The following ANKS1B variants were observed in gnomAD, a reference collection of about 807,000 sequenced individuals.
ANKS1B encodes ankyrin repeat and sterile alpha motif domain-containing protein 1B.
A neutral mutation model predicts 148.3 loss-of-function variants in ANKS1B; 36 were observed. That is an observed-to-expected ratio of 0.24 (90% confidence interval 0.19 to 0.32). The LOEUF (loss-of-function observed/expected upper bound fraction) is 0.32, where lower values mean the gene tolerates loss of function less well. Ranked by LOEUF, ANKS1B falls within the 10% of genes least tolerant of loss-of-function variation. The probability of loss-of-function intolerance (pLI) is 1.00; values close to 1 mark genes in which losing one functional copy is unlikely to be tolerated. For synonymous variants in ANKS1B, 542 were observed against 560.8 expected, an observed-to-expected ratio of 0.97 and a Z score of 0.47; for missense variants, 1,157 against 1,542.6, an observed-to-expected ratio of 0.75 and a Z score of 4.19.
intron 15 of ANKS1B, among the ~76,000 whole-genome samples, chr12:99,107,081 A>G (rs1236737471): frequency 1.3e-5 from 2 of 152,106 alleles, no homozygotes. Context: ...AGTAAACTCA[A>G]GATATAAAAA....
At chr12:99,941,724 T>G (rs1465703507) in intron 1 of ANKS1B, among the ~76,000 whole-genome samples, 2 of 152,120 alleles carry the variant, frequency 1.3e-5, no homozygotes, top group African/African-American at 4.8e-5. Context: ...AAGGAGCATT[T>G]AAGTTGAATT....
At chr12:99,983,430 C>T (rs2095737272) in intron 1 of ANKS1B, among the ~76,000 whole-genome samples, 1 of 152,138 alleles carries the variant, frequency 6.6e-6, no homozygotes. Flanking sequence ...AGGCCTCTAC[C>T]GTACTCCATA....
chr12:99,175,114 C>T (rs1395882005), intron 14 of ANKS1B, among the ~76,000 whole-genome samples: 1 of 152,130 alleles, frequency 6.6e-6, no homozygotes, highest in East Asian at 1.9e-4. Context: ...TAGTCACATG[C>T]ATTTTGTTTT....
chr12:99,305,257 C>T (rs190441413), intron 12 of ANKS1B, among the ~76,000 whole-genome samples: 64 of 152,170 alleles, frequency 4.2e-4, no homozygotes, highest in South Asian at 2.1e-4. Flanking sequence ...CATTGGGGAA[C>T]ACATTTCAAC....
chr12:99,417,832 G>T (rs879340290), intron 11 of ANKS1B, among the ~76,000 whole-genome samples: 2 of 151,998 alleles, frequency 1.3e-5, no homozygotes, highest in Non-Finnish European at 2.9e-5. Context: ...AAAGCAGCAA[G>T]AAGTAAGAAA....
chr12:98,808,640 A>C (rs1461837838), intron 19 of ANKS1B, among the ~76,000 whole-genome samples: 1 of 152,196 alleles, frequency 6.6e-6, no homozygotes, highest in Non-Finnish European at 1.5e-5. Context: ...CACACCATTA[A>C]TAAGATAAAC....
chr12:99,505,659 G>A (rs933043499), intron 9 of ANKS1B, among the ~76,000 whole-genome samples: 2 of 148,460 alleles, frequency 1.3e-5, no homozygotes, highest in Non-Finnish European at 3.0e-5. Context: ...TATATATAAT[G>A]TGCTAAATGC....
chr12:99,595,652 G>A (rs957359705), intron 9 of ANKS1B, among the ~76,000 whole-genome samples: 4 of 151,764 alleles, frequency 2.6e-5, no homozygotes, highest in Non-Finnish European at 4.4e-5. Flanking sequence ...TTATGATCTC[G>A]CACATTAACT....
chr12:99,271,692 A>ATATATATATATATATATATT, intron 12 of ANKS1B, among the ~76,000 whole-genome samples: 1 of 142,518 alleles, frequency 7.0e-6, no homozygotes, highest in Non-Finnish European at 1.5e-5. Context: ...ATATATATAT[A>ATATATATATATATATATATT]TTTACTAAAT....
intron 3 of ANKS1B, among the ~76,000 whole-genome samples, chr12:99,808,855 A>G (rs1280773592): frequency 6.6e-6 from 1 of 152,132 alleles, no homozygotes; most frequent in African/African-American, 2.4e-5. Context: ...CTAGGAAATT[A>G]CAAGAGCAAA....
intron 9 of ANKS1B, among the ~76,000 whole-genome samples, chr12:99,611,351 C>T (rs568351072): frequency 4.6e-5 from 7 of 152,208 alleles, no homozygotes; most frequent in Admixed American, 4.6e-4. Flanking sequence ...ACATGCCAGG[C>T]ATTTAACCTA....
At chr12:98,743,904 A>G (rs1232244367), downstream of ANKS1B, 4 of 752,930 alleles carry the variant, frequency 5.3e-6, no homozygotes, top group Non-Finnish European at 6.5e-6. Flanking sequence ...GATGCTGAGA[A>G]GGCTGGGCCT....
At chr12:99,094,000 CAGG>C (rs2055026915) in intron 15 of ANKS1B, among the ~76,000 whole-genome samples, 1 of 152,214 alleles carries the variant, frequency 6.6e-6, no homozygotes, top group Non-Finnish European at 1.5e-5. Flanking sequence ...CTGCCTTAGA[CAGG>C]AGGTCACTGA....
rs190079899 is a variant in ANKS1B, at chr12:99,108,873, T to C, written c.2527-23850A>G. ...ATTTCGGAAGTTGAGAGAGCAAAGATGAGAACTCGAGAGACATGGAATGGA... is the reference window on the plus strand; with the variant it reads ...ATTTCGGAAGTTGAGAGAGCAAAGACGAGAACTCGAGAGACATGGAATGGA... On this transcript the variant is annotated intron_variant, in intron 15 of 26. Coordinates refer to ENST00000683438, the MANE Select transcript of ANKS1B (RefSeq NM_001352186.2). Among the ~76,000 whole-genome samples the C allele has an allele frequency of 8.6e-5, 13 of 152,020 alleles. No individual in the cohort carries two copies. In the East Asian group the frequency reaches 2.3e-3, roughly 27 times the overall value.
chr12:99,169,773 T>C (rs2077557018), intron 14 of ANKS1B, among the ~76,000 whole-genome samples: 1 of 152,210 alleles, frequency 6.6e-6, no homozygotes, highest in Non-Finnish European at 1.5e-5. Flanking sequence ...TCTCCTTTTA[T>C]AGGGAATGAA....
At chr12:99,162,142 A>T (rs1488534883) in intron 14 of ANKS1B, among the ~76,000 whole-genome samples, 1 of 152,146 alleles carries the variant, frequency 6.6e-6, no homozygotes, top group Non-Finnish European at 1.5e-5. Flanking sequence ...ATAGAGACAG[A>T]ATGTAGATTA....
chr12:99,360,715 T>C (rs558833483), intron 12 of ANKS1B, among the ~76,000 whole-genome samples: 4 of 152,110 alleles, frequency 2.6e-5, no homozygotes, highest in Non-Finnish European at 5.9e-5. Flanking sequence ...ATGTGTGGAA[T>C]AGAACAACTG....
chr12:99,976,161 A>G (rs1307520041), intron 1 of ANKS1B, among the ~76,000 whole-genome samples: 1 of 152,230 alleles, frequency 6.6e-6, no homozygotes, highest in South Asian at 2.1e-4. Context: ...ATATGTGGAC[A>G]TAAATAAGGG....
At chr12:99,051,128 G>C (rs2099965773) in intron 17 of ANKS1B, among the ~76,000 whole-genome samples, 1 of 152,194 alleles carries the variant, frequency 6.6e-6, no homozygotes, top group Non-Finnish European at 1.5e-5. Context: ...TACAAGGTCT[G>C]GCTGCAGTCA....
Sources: gnomAD v4.1 joint callset for allele counts (sites outside exome capture counted in the v4.1 genomes callset) on GRCh38, gnomAD v4.1.1 for gene constraint, MANE v1.5 for transcripts, NCBI Gene and HGNC (gene_info 2026-07-23, HGNC 2026-07-21) for gene names.